Variants in MAK observed in about 807,000 individuals in gnomAD.
MAK encodes male germ cell associated kinase, also known as serine/threonine-protein kinase MAK.
In MAK, 65 loss-of-function variants were observed where a neutral mutation model predicts 82.6. The ratio of observed to expected loss-of-function variants is 0.79; its 90% CI spans 0.64 to 0.97. The LOEUF (loss-of-function observed/expected upper bound fraction) is 0.97, where lower values mean the gene tolerates loss of function less well. MAK is among the 50% of genes least tolerant of loss of function. The pLI is 0.00. For synonymous variants in MAK, 250 were observed against 274.2 expected (o/e 0.91, Z 0.87); for missense variants, 703 against 780.2 (o/e 0.90, Z 1.18).
intron 1 of MAK, among the ~76,000 whole-genome samples, chr6:10,837,437 G>C (rs980652189): frequency 6.6e-6 from 1 of 152,234 alleles, no homozygotes; most frequent in African/African-American, 2.4e-5. Flanking sequence ...GCCTGCAGTG[G>C]AAGCAGGCGG....
At chr6:10,784,755 C>T (rs1407621921) in intron 10 of MAK, 183 bp from the exon 11 acceptor site, 2 of 665,680 alleles carry the variant, frequency 3.0e-6, no homozygotes, top group East Asian at 2.8e-5. Context: ...GATATTGGGT[C>T]GTGCACAGAC....
At chr6:10,813,810 C>G in intron 4 of MAK, 87 bp from the exon 5 acceptor site, 1 of 779,896 alleles carries the variant, frequency 1.3e-6, no homozygotes, top group Non-Finnish European at 2.4e-6. Flanking sequence ...GCCTTGGAGC[C>G]TCTACTGGCC....
chr6:10,813,067 G>T, intron 5 of MAK, among the ~76,000 whole-genome samples: 1 of 101,554 alleles, frequency 9.8e-6, no homozygotes, highest in Non-Finnish European at 1.9e-5. Flanking sequence ...GGCCTGGTAT[G>T]TATGTATGTT....
chr6:10,815,917 T>C lies in MAK; in HGVS notation c.278+1933A>G, dbSNP rs1432883227. Among the ~76,000 whole-genome samples, 59 of 27,950 alleles carry C rather than the reference T, an allele frequency of 2.1e-3. 1 individual carries two copies. Among genetic ancestry groups the C allele is most frequent in the Admixed American group, 5.3e-3 (17 of 3,210 alleles). The allele number at this position is 27,950 out of a possible 152,430, so 18.3% of individuals were successfully genotyped here. On this transcript the variant is annotated intron_variant, in intron 4 of 14. Coordinates refer to ENST00000354489, the MANE Select transcript of MAK (RefSeq NM_001242957.3). ...TATTAGTGTAGCTTTATACAGTATA[T>C]ATATATATATATATATATATATATA... is the stretch of plus-strand genomic sequence containing the variant.
rs1446924135 is a variant in MAK, at chr6:10,821,824, C to A, written c.102-2884G>T. The stretch of plus-strand genomic sequence containing the variant: ...AATAGCCACTGCACTCCAGCCTGGG[C>A]AACACAGGGAGACTTTGTCTCTTAA... On this transcript the variant is annotated intron_variant, in intron 2 of 14. Coordinates refer to ENST00000354489, the MANE Select transcript of MAK (RefSeq NM_001242957.3). 2.0e-5 allele frequency among the ~76,000 whole-genome samples: 3 copies of A among 150,514 alleles called. No individual in the cohort carries two copies. The Admixed American group carries it at 2.0e-4, about 10-fold the overall frequency.
intron 14 of MAK, among the ~76,000 whole-genome samples, chr6:10,765,594 G>A (rs1474443413): frequency 6.6e-6 from 1 of 151,784 alleles, no homozygotes; most frequent in Admixed American, 6.6e-5. Flanking sequence ...TGAGCAGCTG[G>A]GATTACAGGG....
intron 10 of MAK, among the ~76,000 whole-genome samples, chr6:10,789,411 G>A (rs1183938321): frequency 6.6e-6 from 1 of 152,038 alleles, no homozygotes. Context: ...TTCCAACATG[G>A]GCTAAAATAC....
chr6:10,775,277 A>C (rs1581649452), intron 12 of MAK, 51 bp downstream of exon 12: 2 of 1,598,692 alleles, frequency 1.3e-6, no homozygotes, highest in East Asian at 4.5e-5. Flanking sequence ...TTAAAAGTAG[A>C]CCTCTATAAA....
intron 1 of MAK, among the ~76,000 whole-genome samples, chr6:10,837,648 CTG>C (rs1779238104): frequency 6.6e-6 from 1 of 152,240 alleles, no homozygotes; most frequent in Admixed American, 6.5e-5. Context: ...GAACAAATGT[CTG>C]TTTCTTTTAA....
chr6:10,773,383 A>C (rs1045204513), intron 12 of MAK, among the ~76,000 whole-genome samples: 1 of 152,238 alleles, frequency 6.6e-6, no homozygotes, highest in Non-Finnish European at 1.5e-5. Flanking sequence ...AGTAAATTAC[A>C]GTGCTGCAGT....
At chr6:10,792,780 A>G (rs1408529129) in intron 9 of MAK, among the ~76,000 whole-genome samples, 3 of 152,200 alleles carry the variant, frequency 2.0e-5, no homozygotes, top group Non-Finnish European at 2.9e-5. Flanking sequence ...TATTACAGTG[A>G]TAGTGATGGA....
Position 10,767,790 on chromosome 6 carries a change from CA to C in MAK, c.1792+2320del, listed in dbSNP as rs35961098. On this transcript the variant is annotated intron_variant, in intron 14 of 14. Coordinates refer to ENST00000354489, the MANE Select transcript of MAK (RefSeq NM_001242957.3). ...CTGGTGACAGAGCGAGACTTTGTCT[CA>C]AAAAAAAAAAAAAAAAAAAACAAAA... is the stretch of plus-strand genomic sequence containing the variant. Among the ~76,000 whole-genome samples the C allele has an allele frequency of 2.8e-3, 385 of 139,334 alleles. 7 individuals carry two copies. The East Asian group carries it at 0.029, about 11-fold the overall frequency. The allele number at this position is 139,334 out of a possible 152,430, so 91.4% of individuals were successfully genotyped here.
chr6:10,812,623 C>CT (rs535743804), intron 5 of MAK, among the ~76,000 whole-genome samples: 27 of 150,036 alleles, frequency 1.8e-4, no homozygotes, highest in African/African-American at 4.2e-4. Context: ...AAAGAAGGTC[C>CT]TTTTTTTTTC....
At chr6:10,767,805 A>AG (rs1486977119) in intron 14 of MAK, among the ~76,000 whole-genome samples, 1 of 150,812 alleles carries the variant, frequency 6.6e-6, no homozygotes, top group African/African-American at 2.4e-5. Flanking sequence ...AAAAAAAAAA[A>AG]AAAAAACAAA....
chr6:10,832,834 AT>A (rs1266323621), intron 1 of MAK, among the ~76,000 whole-genome samples: 1 of 152,010 alleles, frequency 6.6e-6, no homozygotes, highest in East Asian at 1.9e-4. Flanking sequence ...TATGTATGTT[AT>A]TTTTTCTAGA....
rs1773503236 is a variant in MAK, at chr6:10,776,891, CTT to C, written c.1466-1434_1466-1433del. Among the ~76,000 whole-genome samples the C allele has an allele frequency of 1.3e-5, 2 of 150,972 alleles. No homozygotes were observed. Among genetic ancestry groups the C allele is most frequent in the Admixed American group, 6.6e-5 (1 of 15,098 alleles). On this transcript the variant is annotated intron_variant, in intron 11 of 14. Transcript: ENST00000354489. This position sits in a 1 kb window ranked among gnomAD's most constrained non-coding sequence, Gnocchi z 4.3. ...CACGAGGTCAGGAGTTTGAGACCAG[CTT>C]GGCCAACATAGTGAAACCCCATCTC...
chr6:10,820,037 G>A (rs991543541), intron 2 of MAK, among the ~76,000 whole-genome samples: 6 of 151,306 alleles, frequency 4.0e-5, no homozygotes, highest in African/African-American at 1.5e-4. Flanking sequence ...GCGTGAACCC[G>A]GGAGGTGGAG....
chr6:10,767,882 A>T (rs752729903), intron 14 of MAK, among the ~76,000 whole-genome samples: 12 of 152,080 alleles, frequency 7.9e-5, no homozygotes, highest in Non-Finnish European at 1.3e-4. Flanking sequence ...GAAATAGTTG[A>T]GTAAATATGG....
chr6:10,762,839 G>C lies in MAK; in HGVS notation c.*1613C>G, dbSNP rs944165462. 1.3e-5 allele frequency: 2 copies of C among 152,268 alleles called. No individual in the cohort carries two copies. Among genetic ancestry groups the C allele is most frequent in the Middle Eastern group, 6.8e-3 (2 of 294 alleles). The allele number at this position is 152,268 out of a possible 1,614,324, so 9.4% of individuals were successfully genotyped here. On this transcript the variant is annotated 3_prime_UTR_variant, in exon 15 of 15. Transcript: ENST00000354489. ...CAAATACATATAACCATTACCACTA[G>C]GATAAATTACTCTTTAGATTTTAAC... is the stretch of plus-strand genomic sequence containing the variant.
Sources: allele counts gnomAD v4.1 joint callset (sites outside exome capture counted in the v4.1 genomes callset), GRCh38; gene constraint gnomAD v4.1.1; non-coding constraint Gnocchi (gnomAD v3.1); transcripts MANE v1.5; gene names NCBI Gene and HGNC (gene_info 2026-07-23, HGNC 2026-07-21).